Variants in P3H4 observed in about 807,000 individuals in gnomAD.
P3H4 encodes prolyl 3-hydroxylase family member 4 (inactive).
P3H4 carries 47 observed loss-of-function variants against 52.9 expected under a neutral mutation model. The observed-to-expected ratio is 0.89, with a 90% CI of 0.70 to 1.13. P3H4 has a LOEUF of 1.13. Among genes scored for constraint, P3H4 ranks in the 50% most tolerant of loss-of-function variants. P3H4 has a pLI of 0.00. For synonymous variants in P3H4, 256 were observed against 267.9 expected (o/e 0.96, Z 0.44); for missense variants, 585 against 611.0 (o/e 0.96, Z 0.45).
intron 6 of P3H4, among the ~76,000 whole-genome samples, chr17:41,803,875 G>A (rs968696432): frequency 2.0e-5 from 3 of 152,028 alleles, no homozygotes; most frequent in Non-Finnish European, 4.4e-5. Flanking sequence ...CCCTGGTGCC[G>A]TGTGCTGCCC....
At position 41,802,594 on chromosome 17, in the gene P3H4, C is replaced by T. The variant is rs544429181; in HGVS notation, c.*363G>A. ...AAAGATGGAGTCTCGCTCTGTCGCC[C>T]AGGCTGGAGTGCGGTGGCGCAATCT... is the stretch of plus-strand genomic sequence containing the variant. On this transcript the variant is annotated 3_prime_UTR_variant, in exon 8 of 8. Transcript: ENST00000393928. 1.9e-3 allele frequency: 457 copies of T among 245,782 alleles called. 1 individual carries two copies. The highest frequency in any genetic ancestry group is 5.6e-3 in the Middle Eastern group (4 of 716). 15.2% of individuals were successfully genotyped at this position (245,782 alleles called of 1,614,324 possible). A position where few individuals can be genotyped will look rare whatever the true frequency, so the allele number is the denominator to read the frequency against.
Position 41,803,662 on chromosome 17 carries a change from C to T in P3H4, c.1147-231G>A, listed in dbSNP as rs553461119. On this transcript the variant is annotated intron_variant, in intron 6 of 7. Transcript: ENST00000393928. ...CAGAATTTGGTGTCAGCATAAACAT[C>T]GCCCCTGCACAGCCCCACCTTTTAA... is the stretch of plus-strand genomic sequence containing the variant. Among the ~76,000 whole-genome samples the T allele has an allele frequency of 2.0e-5, 3 of 152,268 alleles. No homozygotes were observed. In the South Asian group the frequency reaches 6.2e-4, roughly 32 times the overall value.
intron 6 of P3H4, among the ~76,000 whole-genome samples, chr17:41,805,813 T>C (rs1232771509): frequency 3.3e-5 from 5 of 151,418 alleles, no homozygotes; most frequent in African/African-American, 1.2e-4. Context: ...GCCCTCCTCC[T>C]CTGGGGTTGG....
chr17:41,804,109 T>A (rs1555613870), intron 6 of P3H4, among the ~76,000 whole-genome samples: 1 of 152,056 alleles, frequency 6.6e-6, no homozygotes, highest in Admixed American at 6.6e-5. Context: ...ATGCCGCCAC[T>A]CCTGGCTAAT....
At chr17:41,808,210 G>C (rs2047694769) in intron 4 of P3H4, among the ~76,000 whole-genome samples, 1 of 152,128 alleles carries the variant, frequency 6.6e-6, no homozygotes, top group African/African-American at 2.4e-5. Flanking sequence ...AAGCCTCACT[G>C]TTATTGTCTT....
Position 41,802,760 on chromosome 17 carries a change from C to T in P3H4, c.*197G>A. Reference sequence around the variant, plus strand: ...GAGACGGAGGTCTCATCATGTTGGCCAGGCTGGTCTTGAACTCCTGGCCTC... The same window carrying T: ...GAGACGGAGGTCTCATCATGTTGGCTAGGCTGGTCTTGAACTCCTGGCCTC... On this transcript the variant is annotated 3_prime_UTR_variant, in exon 8 of 8. Coordinates refer to ENST00000393928, the MANE Select transcript of P3H4 (RefSeq NM_006455.3). 3 of 561,096 alleles carry T rather than the reference C, an allele frequency of 5.3e-6. No individual in the cohort carries two copies. The highest frequency in any genetic ancestry group is 9.3e-6 in the Non-Finnish European group (3 of 321,566). The allele number at this position is 561,096 out of a possible 1,614,324, so 34.8% of individuals were successfully genotyped here.
rs781804765 is a variant in P3H4, at chr17:41,811,789, C to A, written c.127G>T (p.Ala43Ser). 10 of 1,535,208 alleles carry A rather than the reference C, an allele frequency of 6.5e-6. No homozygotes were observed. In the African/African-American group the frequency reaches 1.3e-4, roughly 20 times the overall value. Residue 43 changes from alanine (A) to serine (S), a missense_variant, in exon 1 of 8, where the codon GCT (alanine) becomes TCT (serine). Ala to Ser is a moderately conservative substitution (Grantham distance 99). Coordinates refer to ENST00000393928, the MANE Select transcript of P3H4 (RefSeq NM_006455.3). This position sits in a 1 kb window ranked among gnomAD's most constrained non-coding sequence, Gnocchi z 4.8. ...LMPLAAAYGH[A>S]LEQYEGESWR... The stretch of plus-strand genomic sequence containing the variant: ...CTCTCTCCCTCGTACTGCTCCAGAG[C>A]GTGCCCGTACGCCGCGGCCAGCGGC...
Position 41,811,593 on chromosome 17 carries a change from C to T in P3H4, c.323G>A (p.Arg108His). ...EWACELRLFG[R>H]VLERAACLRR... is the part of the protein sequence containing the mutation. ...CAGGCAGGCGGCTCGCTCCAGGACG[C>T]GGCCGAAGAGCCGCAGCTCGCAGGC... The change falls in exon 1 of 8, where the codon CGC becomes CAC. Residue 108 changes from arginine (R) to histidine (H), a missense_variant. Arg to His is a conservative substitution (Grantham distance 29). Transcript: ENST00000393928. This position sits in a 1 kb window ranked among gnomAD's most constrained non-coding sequence, Gnocchi z 4.8. 1 of 1,578,942 alleles carries T rather than the reference C, an allele frequency of 6.3e-7. No homozygotes were observed. The highest frequency in any genetic ancestry group is 8.6e-7 in the Non-Finnish European group (1 of 1,166,282).
chr17:41,811,816 T>G lies in P3H4; in HGVS notation c.100A>C (p.Met34Leu). Residue 34 changes from methionine to leucine, a missense_variant, in exon 1 of 8, where the codon ATG becomes CTG. Met to Leu is a conservative substitution (Grantham distance 15). Coordinates refer to ENST00000393928, the MANE Select transcript of P3H4 (RefSeq NM_006455.3). The surrounding 1 kb of genome is among the most constrained non-coding windows in gnomAD (Gnocchi z 4.8). The stretch of plus-strand genomic sequence containing the variant: ...TGCCCGTACGCCGCGGCCAGCGGCA[T>G]CAGGTCCTCGGGCGGGAAGCCCCGG... ...SFRGFPPEDLMPLAAAYGHAL... is the reference protein window; with the variant it reads ...SFRGFPPEDLLPLAAAYGHAL... 1 of 1,538,142 alleles carries G rather than the reference T, an allele frequency of 6.5e-7. No homozygotes were observed. The highest frequency in any genetic ancestry group is 8.7e-7 in the Non-Finnish European group (1 of 1,153,826).
chr17:41,811,850 C>A lies in P3H4; in HGVS notation c.66G>T (p.Lys22Asn). ...LLGSAGAQYE[K>N]YSFRGFPPED... is the part of the protein sequence containing the mutation. Reference sequence around the variant, plus strand: ...CGGGCGGGAAGCCCCGGAAGCTGTACTTCTCGTACTGCGCCCCGGCGCTGC... The same window carrying A: ...CGGGCGGGAAGCCCCGGAAGCTGTAATTCTCGTACTGCGCCCCGGCGCTGC... The change falls in exon 1 of 8, where the codon AAG becomes AAT. Residue 22 changes from lysine (K) to asparagine (N), a missense_variant. Lys to Asn is a moderately conservative substitution (Grantham distance 94). Coordinates refer to ENST00000393928, the MANE Select transcript of P3H4 (RefSeq NM_006455.3). This position sits in a 1 kb window ranked among gnomAD's most constrained non-coding sequence, Gnocchi z 4.8. 1 of 1,548,494 alleles carries A rather than the reference C, an allele frequency of 6.5e-7. No homozygotes were observed. The highest frequency in any genetic ancestry group is 8.6e-7 in the Non-Finnish European group (1 of 1,158,186).
chr17:41,811,548 A>G lies in P3H4; in HGVS notation c.368T>C (p.Leu123Pro), dbSNP rs782745292. ...CGGGTAGGGCACCTGGAAGGCGGGC[A>G]GCGTCCGCTTGCAGCGCCGCAGGCA... ...AACLRRCKRT[L>P]PAFQVPYPPR... is the part of the protein sequence containing the mutation. The change falls in exon 1 of 8, where the codon CTG becomes CCG. Residue 123 changes from leucine (L) to proline (P), a missense_variant. Coordinates refer to ENST00000393928, the MANE Select transcript of P3H4 (RefSeq NM_006455.3). The surrounding 1 kb of genome is among the most constrained non-coding windows in gnomAD (Gnocchi z 4.8). The G allele has an allele frequency of 5.6e-6, 9 of 1,609,720 alleles. No individual in the cohort carries two copies. Among genetic ancestry groups the G allele is most frequent in the Non-Finnish European group, 7.6e-6 (9 of 1,178,856 alleles).
intron 6 of P3H4, among the ~76,000 whole-genome samples, chr17:41,805,209 A>G (rs1477992182): frequency 6.6e-6 from 1 of 150,970 alleles, no homozygotes; most frequent in East Asian, 2.0e-4. Context: ...ATGGCGTGAG[A>G]ACCTGGGAGG....
rs782499118 is a variant in P3H4 at position 41,810,917 on chromosome 17, A to T, written c.733T>A (p.Cys245Ser). ...TCCACCTGCTCATGGGCCCCTTCAC[A>T]GCCGGCCAGGCACCGGGCAAAGACT... ...LAVFARCLAGCEGAHEQVDFK... is the reference protein window; with the variant it reads ...LAVFARCLAGSEGAHEQVDFK... The change falls in exon 3 of 8, where the codon TGT becomes AGT. Residue 245 changes from cysteine (C) to serine (S), a missense_variant. Transcript: ENST00000393928. 47 of 1,613,976 alleles carry T rather than the reference A, an allele frequency of 2.9e-5. No homozygotes were observed. The highest frequency in any genetic ancestry group is 4.0e-5 in the Non-Finnish European group (47 of 1,180,024).
At chr17:41,804,351 C>T (rs1360595912) in intron 6 of P3H4, among the ~76,000 whole-genome samples, 2 of 150,248 alleles carry the variant, frequency 1.3e-5, no homozygotes, top group Middle Eastern at 3.4e-3. Flanking sequence ...ATACGCCAGG[C>T]GTGGTGGCTC....
rs782362071 is a variant in P3H4 at position 41,810,836 on chromosome 17, G to A, written c.787+27C>T. 2.4e-5 allele frequency: 39 copies of A among 1,596,256 alleles called. No homozygotes were observed. In the South Asian group the frequency reaches 3.0e-4, roughly 12 times the overall value. ...ACCGGGCCCTGTGGGTGAGAGGACCGCCCACCGTGGTCTGGGTGGCAGATA... is the reference window on the plus strand; with the variant it reads ...ACCGGGCCCTGTGGGTGAGAGGACCACCCACCGTGGTCTGGGTGGCAGATA... On this transcript the variant is annotated intron_variant, in intron 3 of 7. Transcript: ENST00000393928.
Position 41,810,963 on chromosome 17 carries a change from C to T in P3H4, c.687G>A (p.Arg229=). Residue 229 remains arginine, a synonymous_variant, in exon 3 of 8, where the codon CGG becomes CGA. Transcript: ENST00000393928. ...DFRSSTEDME[R]ALSEYLAVFA... is the part of the protein sequence containing the mutation. ...AGACTGCCAGGTACTCTGACAAGGC[C>T]CGCTCCATGTCCTCCGTGCTGCTGC... 6.2e-7 allele frequency: 1 copy of T among 1,614,182 alleles called. No homozygotes were observed. Among genetic ancestry groups the T allele is most frequent in the Non-Finnish European group, 8.5e-7 (1 of 1,180,028 alleles).
chr17:41,808,285 G>A (rs1489270974), intron 4 of P3H4, among the ~76,000 whole-genome samples: 1 of 152,092 alleles, frequency 6.6e-6, no homozygotes, highest in Non-Finnish European at 1.5e-5. Flanking sequence ...TGCAATTATG[G>A]TCACCTCAAG....
At chr17:41,806,904 G>A in intron 5 of P3H4, 25 bp from the exon 6 acceptor site, 1 of 1,590,896 alleles carries the variant, frequency 6.3e-7, no homozygotes, top group Non-Finnish European at 8.6e-7. Flanking sequence ...GGACGGGGTG[G>A]GGGGTGAGCC....
At chr17:41,809,868 T>C in intron 3 of P3H4, 34 bp from the exon 4 acceptor site, 1 of 1,602,638 alleles carries the variant, frequency 6.2e-7, no homozygotes, top group Non-Finnish European at 8.5e-7. Flanking sequence ...GAGGCTGGCA[T>C]TGCAATGAAC....
Sources: allele counts gnomAD v4.1 joint callset (sites outside exome capture counted in the v4.1 genomes callset), GRCh38; gene constraint gnomAD v4.1.1; non-coding constraint Gnocchi (gnomAD v3.1); transcripts MANE v1.5; gene names NCBI Gene and HGNC (gene_info 2026-07-23, HGNC 2026-07-21).